The following USP36 variants were observed in gnomAD, a reference collection of about 807,000 sequenced individuals.
USP36 encodes the protein ubiquitin carboxyl-terminal hydrolase 36.
A neutral mutation model predicts 111.5 loss-of-function variants in USP36; 59 were observed. The ratio of observed to expected loss-of-function variants is 0.53; its 90% CI spans 0.43 to 0.66. USP36 has a LOEUF of 0.66. Ranked by LOEUF, USP36 falls within the 30% of genes least tolerant of loss-of-function variation. The pLI is 0.00. For missense variants in USP36, 1,488 were observed against 1,468.0 expected (o/e 1.01, Z -0.22); for synonymous variants, 628 against 581.0 (o/e 1.08, Z -1.16).
rs1431685230 is a variant in USP36, at chr17:78,813,845, T to C, written c.1193A>G (p.Asn398Ser). 1 of 1,614,036 alleles carries C rather than the reference T, an allele frequency of 6.2e-7. No homozygotes were observed. Among genetic ancestry groups the C allele is most frequent in the African/African-American group, 1.3e-5 (1 of 74,918 alleles). ...GTTGCTGGAATGGACCAAGGAATCA[T>C]TCATCTGGTACCACTGTCCATTGCT... The part of the protein sequence containing the change: ...KASNGQWYQM[N>S]DSLVHSSNVK... The change falls in exon 12 of 21, where the codon AAT becomes AGT. Residue 398 changes from asparagine (N) to serine (S), a missense_variant. Coordinates refer to ENST00000449938, the MANE Select transcript of USP36 (RefSeq NM_001385174.1).
intron 9 of USP36, 72 bp downstream of exon 9, chr17:78,819,858 C>T: frequency 6.6e-7 from 1 of 1,509,212 alleles, no homozygotes; most frequent in Non-Finnish European, 9.2e-7. Flanking sequence ...TGGGTGGGCA[C>T]AACACTGTCA....
chr17:78,829,233 A>G (rs1735963644), intron 4 of USP36, among the ~76,000 whole-genome samples: 2 of 152,206 alleles, frequency 1.3e-5, no homozygotes, highest in Admixed American at 1.3e-4. Context: ...ATCCATCCAA[A>G]GCTGAAACTC....
chr17:78,816,100 C>T (rs2094181620), intron 10 of USP36, among the ~76,000 whole-genome samples: 1 of 152,018 alleles, frequency 6.6e-6, no homozygotes, highest in Non-Finnish European at 1.5e-5. Context: ...GACAGGATTG[C>T]CATTATTCTG....
intron 17 of USP36, among the ~76,000 whole-genome samples, chr17:78,800,745 C>T (rs777805491): frequency 2.6e-5 from 4 of 152,206 alleles, no homozygotes; most frequent in Non-Finnish European, 4.4e-5. Flanking sequence ...AGAGCCCATG[C>T]GGCCCCCAGC....
intron 1 of USP36, chr17:78,840,499 CCGGCCCCGGACCCTCCT>C (rs1226203270): frequency 4.6e-5 from 7 of 152,486 alleles, no homozygotes; most frequent in Non-Finnish European, 8.8e-5. Flanking sequence ...CGAGGACAGC[CCGGCCCCGGACCCTCCT>C]CGGGAATACC....
In USP36 at chr17:78,802,261, G is replaced by A. The variant is rs1397897691; in HGVS notation, c.3022+63C>T. 8.0e-5 allele frequency: 114 copies of A among 1,431,752 alleles called. 1 individual carries two copies. Among genetic ancestry groups the A allele is most frequent in the Middle Eastern group, 5.1e-4 (2 of 3,918 alleles). 88.7% of individuals were successfully genotyped at this position (1,431,752 alleles called of 1,614,324 possible). ...CCCCTCGCCCGGTGCACACCCATGC[G>A]GTCCCCCAACCCCTCGCCCGGTGCA... is the stretch of plus-strand genomic sequence containing the variant. On this transcript the variant is annotated intron_variant, in intron 17 of 20. Transcript: ENST00000449938.
chr17:78,792,152 A>C (rs1003538157), downstream of USP36: 1 of 152,398 alleles, frequency 6.6e-6, no homozygotes, highest in African/African-American at 2.4e-5. Context: ...CTAGACTAAG[A>C]ACCACAGAGA....
At chr17:78,799,562 G>T in intron 18 of USP36, 105 bp downstream of exon 18, 2 of 1,013,392 alleles carry the variant, frequency 2.0e-6, no homozygotes, top group Non-Finnish European at 3.0e-6. Context: ...GCCGAGCGAT[G>T]CCCGCCCGCC....
rs1035036535 is a variant in USP36, at chr17:78,827,255, C to T, written c.679G>A (p.Gly227Ser). ...IDAMQKACLNGCAKLDRQTQA... is the reference protein window; with the variant it reads ...IDAMQKACLNSCAKLDRQTQA... Reference sequence around the variant, plus strand: ...TGGGGAAGCACGCACTTGGCACAGCCATTCAGGCAGGCTTTCTGCATGGCG... The same window carrying T: ...TGGGGAAGCACGCACTTGGCACAGCTATTCAGGCAGGCTTTCTGCATGGCG... The change falls in exon 6 of 21, where the codon GGC (glycine) becomes AGC (serine). Residue 227 changes from glycine to serine, a missense_variant. Gly to Ser is a moderately conservative substitution (Grantham distance 56, BLOSUM62 0). This residue lies in a region of USP36 where 196 missense variants were observed against 264.4 expected (regional missense o/e 0.74). Coordinates refer to ENST00000449938, the MANE Select transcript of USP36 (RefSeq NM_001385174.1). The T allele has an allele frequency of 1.2e-6, 2 of 1,613,478 alleles. No homozygotes were observed. The highest frequency in any genetic ancestry group is 1.7e-5 in the Admixed American group (1 of 60,016).
intron 6 of USP36, among the ~76,000 whole-genome samples, chr17:78,824,022 G>T (rs1021352663): frequency 1.3e-5 from 2 of 152,172 alleles, no homozygotes; most frequent in Admixed American, 6.5e-5. Flanking sequence ...TGATGCCAAG[G>T]ACACAGCCAC....
rs565802158 is a variant in USP36 at position 78,798,214 on chromosome 17, C to T, written c.*20+186G>A. 5.1e-5 allele frequency: 36 copies of T among 704,314 alleles called. No individual in the cohort carries two copies. The South Asian group carries it at 5.8e-4, about 11-fold the overall frequency. 43.6% of individuals were successfully genotyped at this position (704,314 alleles called of 1,614,324 possible). ...TTATACACACGCATCCCACACACACCCTTCTCCAAGTGACTAGGACACACA... is the reference window on the plus strand; with the variant it reads ...TTATACACACGCATCCCACACACACTCTTCTCCAAGTGACTAGGACACACA... On this transcript the variant is annotated intron_variant, in intron 20 of 20. Transcript: ENST00000449938. This position sits in a 1 kb window ranked among gnomAD's most constrained non-coding sequence, Gnocchi z 5.1.
chr17:78,827,299 A>T lies in USP36; in HGVS notation c.635T>A (p.Phe212Tyr), dbSNP rs1385230601. The T allele has an allele frequency of 6.2e-7, 1 of 1,613,986 alleles. No individual in the cohort carries two copies. The highest frequency in any genetic ancestry group is 2.2e-5 in the East Asian group (1 of 44,886). Residue 212 changes from phenylalanine to tyrosine, a missense_variant, in exon 6 of 21, where the codon TTC becomes TAC. Phe to Tyr is a conservative substitution (Grantham distance 22). This residue lies in a region of USP36 where 196 missense variants were observed against 264.4 expected (regional missense o/e 0.74). Transcript: ENST00000449938. Reference sequence around the variant, plus strand: ...CATGGCGTCGATGGTGTACCGCAGGAACTCATGCGCGTCCTCCTGGTTCCC... The same window carrying T: ...CATGGCGTCGATGGTGTACCGCAGGTACTCATGCGCGTCCTCCTGGTTCCC... ...RFGNQEDAHE[F>Y]LRYTIDAMQK...
chr17:78,825,822 C>A (rs991959412), intron 6 of USP36, among the ~76,000 whole-genome samples: 4 of 152,316 alleles, frequency 2.6e-5, no homozygotes, highest in African/African-American at 9.6e-5. Context: ...GCTGGGGACA[C>A]CGCAACCCTC....
At chr17:78,794,149 A>G (rs1377785946), downstream of USP36, among the ~76,000 whole-genome samples, 1 of 152,146 alleles carries the variant, frequency 6.6e-6, no homozygotes, top group Admixed American at 6.5e-5. Flanking sequence ...CTATGCTACT[A>G]ATGCCAATCT....
At chr17:78,818,615 G>T in intron 10 of USP36, 52 bp downstream of exon 10, 1 of 1,517,716 alleles carries the variant, frequency 6.6e-7, no homozygotes, top group South Asian at 1.1e-5. Flanking sequence ...GTGTTATTCT[G>T]ATGCCGACTG....
At chr17:78,804,298 C>T (rs1239807054) in intron 15 of USP36, among the ~76,000 whole-genome samples, 1 of 151,938 alleles carries the variant, frequency 6.6e-6, no homozygotes, top group Non-Finnish European at 1.5e-5. Context: ...CCCATCTCTA[C>T]TAAAAATACA....
chr17:78,788,731 C>G (rs886888469), intron 3 of USP36, among the ~76,000 whole-genome samples: 2 of 152,098 alleles, frequency 1.3e-5, no homozygotes, highest in African/African-American at 4.8e-5. Context: ...CTGAGGCCAT[C>G]AGAACACCAG....
chr17:78,840,155 C>T (rs943545164), intron 1 of USP36, among the ~76,000 whole-genome samples: 19 of 152,222 alleles, frequency 1.2e-4, no homozygotes, highest in African/African-American at 4.1e-4. Context: ...CCGTGGCGAG[C>T]GTTACGTAAA....
At chr17:78,794,372 A>G (rs2144849697), downstream of USP36, among the ~76,000 whole-genome samples, 1 of 152,318 alleles carries the variant, frequency 6.6e-6, no homozygotes, top group Middle Eastern at 3.4e-3. Flanking sequence ...CCTGACTTAC[A>G]GTTAGCCAGC....
Sources: allele counts gnomAD v4.1 joint callset (sites outside exome capture counted in the v4.1 genomes callset), GRCh38; gene constraint gnomAD v4.1.1; regional missense constraint gnomAD v4.1.1; non-coding constraint Gnocchi (gnomAD v3.1); transcripts MANE v1.5; gene names NCBI Gene and HGNC (gene_info 2026-07-23, HGNC 2026-07-21).